FSHR: variants seen among roughly 807,000 people sequenced by gnomAD.
FSHR encodes follicle stimulating hormone receptor.
FSHR carries 46 observed loss-of-function variants against 52.1 expected under a neutral mutation model. That is an observed-to-expected ratio of 0.88 (90% CI 0.70 to 1.13). The LOEUF is 1.13. FSHR is among the 50% of genes most tolerant of loss of function. The pLI is 0.00. For synonymous variants in FSHR, 399 were observed against 309.6 expected (o/e 1.29, Z -3.03); for missense variants, 964 against 834.6 (o/e 1.16, Z -1.91).
In FSHR at chr2:49,068,257, T is replaced by C; in HGVS notation, c.186A>G (p.Gln62=). The C allele has an allele frequency of 6.2e-7, 1 of 1,611,536 alleles. No individual in the cohort carries two copies. Among genetic ancestry groups the C allele is most frequent in the South Asian group, 1.1e-5 (1 of 90,998 alleles). The change falls in exon 2 of 10, where the codon CAA becomes CAG. Residue 62 remains glutamine (Q), a synonymous_variant. Coordinates refer to ENST00000406846, the MANE Select transcript of FSHR (RefSeq NM_000145.4). ...RFVLTKLRVI[Q]KGAFSGFGDL... ...CCCCAAATCCTGAAAATGCACCTTTTTGGATGACTCGAAGCTTGGTGAGGA... is the reference window on the plus strand; with the variant it reads ...CCCCAAATCCTGAAAATGCACCTTTCTGGATGACTCGAAGCTTGGTGAGGA...
At chr2:49,003,415 C>G (rs745833417) in intron 4 of FSHR, among the ~76,000 whole-genome samples, 1 of 152,090 alleles carries the variant, frequency 6.6e-6, no homozygotes, top group Non-Finnish European at 1.5e-5. Flanking sequence ...GTGGTTTCCC[C>G]GTCCTGATCT....
intron 2 of FSHR, among the ~76,000 whole-genome samples, chr2:49,056,813 T>C (rs1669084023): frequency 6.6e-6 from 1 of 152,040 alleles, no homozygotes; most frequent in African/African-American, 2.4e-5. Flanking sequence ...TTATGTCAAG[T>C]ACCCTATAAT....
chr2:49,010,470 G>C (rs984923255), intron 4 of FSHR, among the ~76,000 whole-genome samples: 1 of 152,166 alleles, frequency 6.6e-6, no homozygotes, highest in Admixed American at 6.6e-5. Flanking sequence ...GTTCATCAGG[G>C]ATATTGGTCT....
intron 2 of FSHR, among the ~76,000 whole-genome samples, chr2:49,050,501 C>T (rs1207097944): frequency 6.6e-6 from 1 of 152,122 alleles, no homozygotes; most frequent in Non-Finnish European, 1.5e-5. Context: ...TCCTGTCAAT[C>T]CCTCTTTTAC....
intron 4 of FSHR, among the ~76,000 whole-genome samples, chr2:48,993,910 C>A (rs577394281): frequency 7.2e-5 from 11 of 152,306 alleles, no homozygotes; most frequent in African/African-American, 2.6e-4. Flanking sequence ...ATATGCTAAA[C>A]TAAATTCTGG....
At chr2:49,140,541 A>G (rs1428084835) in intron 1 of FSHR, among the ~76,000 whole-genome samples, 2 of 152,034 alleles carry the variant, frequency 1.3e-5, no homozygotes. Context: ...ATGGCCTAAC[A>G]CTACAAAAAT....
intron 1 of FSHR, among the ~76,000 whole-genome samples, chr2:49,152,478 T>A (rs1265026535): frequency 2.0e-5 from 3 of 152,108 alleles, no homozygotes; most frequent in Admixed American, 6.6e-5. Flanking sequence ...GGGGGTGGAT[T>A]TTCTTTTCTT....
intron 4 of FSHR, among the ~76,000 whole-genome samples, chr2:48,992,264 C>T (rs753651529): frequency 1.2e-4 from 18 of 152,172 alleles, no homozygotes; most frequent in Admixed American, 2.6e-4. Context: ...TACGTAACCA[C>T]GAGCACAATA....
At chr2:49,107,702 T>G (rs1219204974) in intron 1 of FSHR, among the ~76,000 whole-genome samples, 1 of 152,166 alleles carries the variant, frequency 6.6e-6, no homozygotes, top group East Asian at 1.9e-4. Flanking sequence ...TGTAGTCCTT[T>G]TGATAACACT....
intron 1 of FSHR, among the ~76,000 whole-genome samples, chr2:49,151,141 CT>C (rs200436300): frequency 0.055 from 6,354 of 114,926 alleles, 302 homozygotes; most frequent in East Asian, 0.23. Context: ...AAGGATTACT[CT>C]TTTTTTTTTT....
chr2:49,151,141 C>CTTTTT (rs200436300), intron 1 of FSHR, among the ~76,000 whole-genome samples: 9 of 114,994 alleles, frequency 7.8e-5, no homozygotes, highest in South Asian at 5.7e-4. Flanking sequence ...AAGGATTACT[C>CTTTTT]TTTTTTTTTT....
At chr2:48,968,547 T>C (rs2104007446) in intron 9 of FSHR, 151 bp downstream of exon 9, 1 of 878,420 alleles carries the variant, frequency 1.1e-6, no homozygotes, top group Non-Finnish European at 1.8e-6. Context: ...TCACTCTCCA[T>C]GAACTGAATT....
intron 1 of FSHR, among the ~76,000 whole-genome samples, chr2:49,125,874 G>A (rs898790040): frequency 9.2e-5 from 14 of 152,302 alleles, no homozygotes; most frequent in African/African-American, 3.4e-4. Flanking sequence ...TAAAGACTAG[G>A]AAACTGTGGA....
rs1558404952 is a variant in FSHR at position 49,038,634 on chromosome 2, ATAAT to A, written c.225-18478_225-18475del. Among the ~76,000 whole-genome samples the A allele has an allele frequency of 5.4e-3, 581 of 107,490 alleles. 36 individuals carry two copies. Among genetic ancestry groups the A allele is most frequent in the African/African-American group, 7.2e-3 (182 of 25,304 alleles). The allele number at this position is 107,490 out of a possible 152,430, so 70.5% of individuals were successfully genotyped here. ...AGCAAGACTCTGTCTCAAAATAATA[ATAAT>A]AATAATAATAATAATAATAATAATA... On this transcript the variant is annotated intron_variant, in intron 2 of 9. Coordinates refer to ENST00000406846, the MANE Select transcript of FSHR (RefSeq NM_000145.4).
At chr2:49,134,957 C>G (rs1672433486) in intron 1 of FSHR, among the ~76,000 whole-genome samples, 2 of 152,054 alleles carry the variant, frequency 1.3e-5, no homozygotes, top group African/African-American at 4.8e-5. Flanking sequence ...GGAGATATAC[C>G]TAATGCTAGA....
chr2:49,035,385 T>C (rs1328301313), intron 2 of FSHR, among the ~76,000 whole-genome samples: 2 of 152,218 alleles, frequency 1.3e-5, no homozygotes, highest in Non-Finnish European at 2.9e-5. Flanking sequence ...TTTAGGTATG[T>C]ATTAACATCA....
At chr2:49,090,124 AGTGT>A (rs35574043) in intron 1 of FSHR, among the ~76,000 whole-genome samples, 3,103 of 148,864 alleles carry the variant, frequency 0.021, 79 homozygotes, top group African/African-American at 0.052. Flanking sequence ...AGTAAAATCG[AGTGT>A]GTGTGTGTGT....
chr2:49,090,935 C>A (rs1258227285), intron 1 of FSHR, among the ~76,000 whole-genome samples: 1 of 151,728 alleles, frequency 6.6e-6, no homozygotes, highest in East Asian at 1.9e-4. Context: ...GTGACTGATT[C>A]TTTCCCATGA....
intron 8 of FSHR, among the ~76,000 whole-genome samples, chr2:48,973,207 G>A (rs1674820228): frequency 6.6e-6 from 1 of 152,150 alleles, no homozygotes; most frequent in Non-Finnish European, 1.5e-5. Flanking sequence ...CATGCAGACA[G>A]GTCCTGGAGA....
Sources: gnomAD v4.1 joint callset for allele counts (sites outside exome capture counted in the v4.1 genomes callset) on GRCh38, gnomAD v4.1.1 for gene constraint, MANE v1.5 for transcripts, NCBI Gene and HGNC (gene_info 2026-07-23, HGNC 2026-07-21) for gene names.